ZNF571: variants seen among roughly 807,000 people sequenced by gnomAD.
ZNF571 encodes zinc finger protein 571.
A neutral mutation model predicts 7.7 loss-of-function variants in ZNF571; 4 were observed. That is an observed-to-expected ratio of 0.52 (90% CI 0.25 to 1.18). The LOEUF (loss-of-function observed/expected upper bound fraction) is 1.18. Among genes scored for constraint, ZNF571 ranks in the 50% most tolerant of loss-of-function variants. The probability of loss-of-function intolerance (pLI) is 0.14; values close to 1 mark genes in which losing one functional copy is unlikely to be tolerated. For missense variants in ZNF571, 704 were observed against 726.9 expected, an observed-to-expected ratio of 0.97 and a Z score of 0.36; for synonymous variants, 251 against 232.4, an observed-to-expected ratio of 1.08 and a Z score of -0.73.
chr19:37,566,342 A>G, intron 3 of ZNF571, 51 bp from the exon 4 acceptor site: 1 of 1,535,268 alleles, frequency 6.5e-7, no homozygotes, highest in South Asian at 1.3e-5. Flanking sequence ...AAGGAGAAAT[A>G]AAAATTCTAT....
chr19:37,565,442 T>C lies in ZNF571; in HGVS notation c.986A>G (p.His329Arg), dbSNP rs370213109. The change falls in exon 4 of 4, where the codon CAT (histidine) becomes CGT (arginine). Residue 329 changes from histidine (H) to arginine (R), a missense_variant. His to Arg is a conservative substitution (Grantham distance 29). Coordinates refer to ENST00000451802, the MANE Select transcript of ZNF571 (RefSeq NM_016536.5). ...GSHLTYHQRV[H>R]TGEKPYICKE... ...ACATATGTAAGGCTTTTCACCAGTA[T>C]GAACTCTCTGATGGTATGTAAGGTG... 2.5e-6 allele frequency: 4 copies of C among 1,613,216 alleles called. No homozygotes were observed. In the African/African-American group the frequency reaches 5.3e-5, roughly 22 times the overall value.
At chr19:37,583,195 C>G (rs2043535435) in intron 3 of ZNF571, among the ~76,000 whole-genome samples, 1 of 152,176 alleles carries the variant, frequency 6.6e-6, no homozygotes, top group Admixed American at 6.5e-5. Context: ...ATGTTACCTC[C>G]CCTGAGCTAT....
intron 1 of ZNF571, among the ~76,000 whole-genome samples, chr19:37,592,579 G>C (rs1182291227): frequency 6.6e-6 from 1 of 152,170 alleles, no homozygotes; most frequent in African/African-American, 2.4e-5. Context: ...TGAAAAAAAG[G>C]AAAGGATTAA....
In ZNF571 at chr19:37,565,546, A is replaced by G; in HGVS notation, c.882T>C (p.Leu294=). Residue 294 remains leucine, a synonymous_variant, in exon 4 of 4, where the codon CTT becomes CTC. Transcript: ENST00000451802. The part of the protein sequence containing the change: ...CGKAFILGSQ[L]TYHQRIHSGE... ...CACTATGAATTCTCTGATGGTAAGT[A>G]AGTTGAGAGCCAAGAATAAAGGCCT... 1 of 1,613,748 alleles carries G rather than the reference A, an allele frequency of 6.2e-7. No homozygotes were observed. The highest frequency in any genetic ancestry group is 1.1e-5 in the South Asian group (1 of 91,054).
intron 3 of ZNF571, among the ~76,000 whole-genome samples, chr19:37,568,290 A>G (rs16973919): frequency 0.041 from 6,140 of 150,796 alleles, 341 homozygotes; most frequent in African/African-American, 0.12. Context: ...TGAAAAGCAA[A>G]AAGAAATGAT....
intron 2 of ZNF571, chr19:37,585,608 T>C (rs2043644007): frequency 6.6e-6 from 1 of 152,218 alleles, no homozygotes; most frequent in Non-Finnish European, 1.5e-5. Context: ...TCGGCGGTCT[T>C]TGAACACTAG....
intron 3 of ZNF571, among the ~76,000 whole-genome samples, chr19:37,570,975 T>A (rs1266689040): frequency 6.6e-6 from 1 of 152,212 alleles, no homozygotes; most frequent in East Asian, 1.9e-4. Context: ...ACTCTAATTT[T>A]AAATCTACTA....
At chr19:37,574,029 G>A (rs2043158407) in intron 3 of ZNF571, among the ~76,000 whole-genome samples, 2 of 152,138 alleles carry the variant, frequency 1.3e-5, no homozygotes, top group Middle Eastern at 6.8e-3. Flanking sequence ...CTTCACATCT[G>A]TACACATGTA....
At chr19:37,574,906 T>C (rs1190133068) in intron 3 of ZNF571, among the ~76,000 whole-genome samples, 1 of 152,194 alleles carries the variant, frequency 6.6e-6, no homozygotes, top group African/African-American at 2.4e-5. Context: ...TTCATAACTA[T>C]ATAATGCTGT....
chr19:37,585,322 T>C (rs1344084539), intron 2 of ZNF571: 1 of 152,200 alleles, frequency 6.6e-6, no homozygotes, highest in African/African-American at 2.4e-5. Flanking sequence ...ATATAATTAC[T>C]TTGCTTGACT....
chr19:37,566,039 C>G lies in ZNF571; in HGVS notation c.389G>C (p.Arg130Pro), dbSNP rs11540764. Residue 130 changes from arginine to proline, a missense_variant, in exon 4 of 4, where the codon CGG becomes CCG. Transcript: ENST00000451802. ...ESHSTSSTFH[R>P]IIPTKEKLYK... ...CAATTTTTCCTTGGTAGGAATTATC[C>G]GATGAAAAGTAGAAGAGGTTGAATG... is the stretch of plus-strand genomic sequence containing the variant. 1 of 1,613,990 alleles carries G rather than the reference C, an allele frequency of 6.2e-7. No homozygotes were observed. The highest frequency in any genetic ancestry group is 1.1e-5 in the South Asian group (1 of 91,074).
In ZNF571 at chr19:37,576,042, T is replaced by C. The variant is rs2043231760; in HGVS notation, c.136+7929A>G. 2.0e-5 allele frequency among the ~76,000 whole-genome samples: 3 copies of C among 148,940 alleles called. No homozygotes were observed. In the South Asian group the frequency reaches 6.4e-4, roughly 32 times the overall value. ...TAACTACAGGTAAGGCATACATGCA[T>C]ACACACACACACACACACACACAAG... On this transcript the variant is annotated intron_variant, in intron 3 of 3. Transcript: ENST00000451802.
chr19:37,579,761 A>G (rs972084874), intron 3 of ZNF571, among the ~76,000 whole-genome samples: 2 of 152,164 alleles, frequency 1.3e-5, no homozygotes, highest in Non-Finnish European at 2.9e-5. Context: ...CTGTGCTTTT[A>G]TTACTCTCTC....
intron 1 of ZNF571, among the ~76,000 whole-genome samples, chr19:37,588,334 G>C (rs1029977792): frequency 1.3e-5 from 2 of 152,072 alleles, no homozygotes; most frequent in Admixed American, 6.6e-5. Flanking sequence ...AAAGAGAACA[G>C]AGATTTCAAA....
intron 3 of ZNF571, among the ~76,000 whole-genome samples, chr19:37,575,248 CTAG>C (rs1331297588): frequency 6.6e-6 from 1 of 152,100 alleles, no homozygotes; most frequent in Non-Finnish European, 1.5e-5. Context: ...TAATAATGTA[CTAG>C]TACTATTATG....
intron 3 of ZNF571, among the ~76,000 whole-genome samples, chr19:37,573,004 ACATGATTGATTATAGAATCT>A: frequency 1.3e-5 from 2 of 152,310 alleles, no homozygotes; most frequent in East Asian, 3.9e-4. Context: ...TTCTTTCATC[ACATGATTGATTATAGAATCT>A]TCAATGTGAT....
rs749797711 is a variant in ZNF571 at position 37,583,976 on chromosome 19, G to A, written c.131C>T (p.Ser44Leu). ...VMLENYSNLI[S>L]LDLESSCVTK... ...ATTACGTAGGATGATCTTACCCAATGAGATCAGGTTGCTGTAGTTCTCCAA... is the reference window on the plus strand; with the variant it reads ...ATTACGTAGGATGATCTTACCCAATAAGATCAGGTTGCTGTAGTTCTCCAA... The change falls in exon 3 of 4, where the codon TCA becomes TTA. Residue 44 changes from serine to leucine, a missense_variant. By Grantham distance (145) the Ser-to-Leu change is moderately radical. Coordinates refer to ENST00000451802, the MANE Select transcript of ZNF571 (RefSeq NM_016536.5). 1 of 1,607,012 alleles carries A rather than the reference G, an allele frequency of 6.2e-7. No homozygotes were observed. The highest frequency in any genetic ancestry group is 1.7e-5 in the Admixed American group (1 of 58,864).
intron 3 of ZNF571, among the ~76,000 whole-genome samples, chr19:37,576,042 TACAC>T (rs34837052): frequency 5.0e-4 from 75 of 148,932 alleles, no homozygotes; most frequent in African/African-American, 1.6e-3. Flanking sequence ...CATACATGCA[TACAC>T]ACACACACAC....
chr19:37,587,800 T>C (rs2043728693), intron 1 of ZNF571, among the ~76,000 whole-genome samples: 4 of 152,008 alleles, frequency 2.6e-5, no homozygotes, highest in Admixed American at 1.3e-4. Context: ...TTCACCTCCT[T>C]TGAGGCAATA....
Sources: gnomAD v4.1 joint callset for allele counts (sites outside exome capture counted in the v4.1 genomes callset) on GRCh38, gnomAD v4.1.1 for gene constraint, MANE v1.5 for transcripts, NCBI Gene and HGNC (gene_info 2026-07-23, HGNC 2026-07-21) for gene names.